The following ECM2 variants were observed in gnomAD, a reference collection of about 807,000 sequenced individuals.
ECM2 encodes the protein extracellular matrix protein 2, also known as extracellular matrix protein 2, female organ and adipocyte specific.
In ECM2, 57 loss-of-function variants were observed where a neutral mutation model predicts 67.5. The observed-to-expected ratio is 0.84, with a 90% CI of 0.68 to 1.05. The LOEUF (loss-of-function observed/expected upper bound fraction) is 1.05. Ranked by LOEUF, ECM2 falls within the 50% of genes least tolerant of loss-of-function variation. ECM2 has a pLI of 0.00. For synonymous variants in ECM2, 258 were observed against 294.5 expected (o/e 0.88, Z 1.27); for missense variants, 741 against 822.8 (o/e 0.90, Z 1.22).
chr9:92,542,853 ACATT>A, the ECM2 span, among the ~76,000 whole-genome samples: 1 of 152,184 alleles, frequency 6.6e-6, no homozygotes, highest in East Asian at 1.9e-4. Context: ...TATAGATCTT[ACATT>A]TAATTCATTA....
chr9:92,510,140 G>T, intron 5 of ECM2, 106 bp from the exon 6 acceptor site: 1 of 1,302,092 alleles, frequency 7.7e-7, no homozygotes, highest in Non-Finnish European at 1.0e-6. Context: ...TCCTTCCTTA[G>T]GCTTAGACAG....
intron 7 of ECM2, among the ~76,000 whole-genome samples, chr9:92,504,450 G>A (rs1320675306): frequency 2.0e-5 from 3 of 152,170 alleles, no homozygotes; most frequent in Admixed American, 6.5e-5. Flanking sequence ...TAGGAGAAAC[G>A]GAGCTTAGTA....
chr9:92,546,177 G>A, the ECM2 span, among the ~76,000 whole-genome samples: 4 of 152,250 alleles, frequency 2.6e-5, no homozygotes, highest in East Asian at 1.9e-4. Flanking sequence ...GATTGTAAAC[G>A]CACCAGTCAG....
chr9:92,501,537 G>A (rs942542680), intron 8 of ECM2, among the ~76,000 whole-genome samples: 1 of 152,140 alleles, frequency 6.6e-6, no homozygotes, highest in Non-Finnish European at 1.5e-5. Flanking sequence ...GGCACACCTG[G>A]GACTTGAGGC....
At chr9:92,509,273 A>G (rs1211733960) in intron 6 of ECM2, among the ~76,000 whole-genome samples, 1 of 152,162 alleles carries the variant, frequency 6.6e-6, no homozygotes, top group Non-Finnish European at 1.5e-5. Flanking sequence ...AAGCCCTCTC[A>G]GGCAGAAAAT....
intron 3 of ECM2, 47 bp from the exon 4 acceptor site, chr9:92,515,250 T>A: frequency 1.4e-6 from 2 of 1,422,116 alleles, no homozygotes; most frequent in Non-Finnish European, 1.8e-6. Flanking sequence ...TTGATGATAT[T>A]AATAAAAGAA....
At chr9:92,532,015 G>GTTTTTTTTTTTGTTT (rs1848801440) in intron 1 of ECM2, among the ~76,000 whole-genome samples, 12 of 95,726 alleles carry the variant, frequency 1.3e-4, no homozygotes, top group African/African-American at 6.5e-4. Context: ...TTTATTTAAT[G>GTTTTTTTTTTTGTTT]TTTTTTTTTT....
chr9:92,546,841 T>C, the ECM2 span, among the ~76,000 whole-genome samples: 1 of 152,212 alleles, frequency 6.6e-6, no homozygotes, highest in African/African-American at 2.4e-5. Flanking sequence ...AAAATCTAAA[T>C]TGTCTATAAC....
the ECM2 span, among the ~76,000 whole-genome samples, chr9:92,554,557 G>A: frequency 5.3e-5 from 8 of 152,084 alleles, no homozygotes; most frequent in African/African-American, 1.9e-4. Flanking sequence ...TGCATCCCTG[G>A]TATGAAACCC....
the ECM2 span, among the ~76,000 whole-genome samples, chr9:92,556,334 A>T: frequency 2.6e-5 from 4 of 152,286 alleles, no homozygotes; most frequent in African/African-American, 9.6e-5. Flanking sequence ...AGAAAGTTCC[A>T]TGTGCTCTTG....
At chr9:92,531,256 A>G (rs956658280) in intron 1 of ECM2, among the ~76,000 whole-genome samples, 1 of 152,030 alleles carries the variant, frequency 6.6e-6, no homozygotes. Flanking sequence ...ATTAGTAATT[A>G]TACACTTTTT....
chr9:92,505,390 C>A, intron 7 of ECM2, 143 bp downstream of exon 7: 1 of 715,728 alleles, frequency 1.4e-6, no homozygotes, highest in African/African-American at 1.9e-5. Flanking sequence ...GAAGAAAAAA[C>A]AATGCTTAAA....
At position 92,514,942 on chromosome 9, in the gene ECM2, C is replaced by T. The variant is rs770622431; in HGVS notation, c.743G>A (p.Gly248Glu). 1.2e-5 allele frequency: 19 copies of T among 1,613,978 alleles called. No individual in the cohort carries two copies. In the African/African-American group the frequency reaches 2.1e-4, roughly 18 times the overall value. The change falls in exon 4 of 10, where the codon GGA (glycine) becomes GAA (glutamate). Residue 248 changes from glycine to glutamate, a missense_variant. Gly to Glu is a moderately conservative substitution (Grantham distance 98). Transcript: ENST00000344604. ...CTCTCCAGGCCTCTGCTTTCTGTCTCCTCCTCTGCTGTCCCCCTCACTGTA... is the reference window on the plus strand; with the variant it reads ...CTCTCCAGGCCTCTGCTTTCTGTCTTCTCCTCTGCTGTCCCCCTCACTGTA... ...QLYSEGDSRGGDRKQRPGEER... is the reference protein window; with the variant it reads ...QLYSEGDSRGEDRKQRPGEER...
intron 5 of ECM2, 48 bp downstream of exon 5, chr9:92,511,963 C>G: frequency 7.1e-7 from 1 of 1,406,898 alleles, no homozygotes; most frequent in Non-Finnish European, 9.9e-7. Flanking sequence ...CAATGCAAGT[C>G]ATAGTGAAGC....
upstream of ECM2, among the ~76,000 whole-genome samples, chr9:92,540,073 G>A (rs1383944283): frequency 6.6e-6 from 1 of 152,106 alleles, no homozygotes; most frequent in Non-Finnish European, 1.5e-5. Flanking sequence ...TTTTTAAAGT[G>A]CACAGTTAAA....
chr9:92,514,863 ATCCTCCTCC>A lies in ECM2; in HGVS notation c.813_821del (p.Glu271_Glu273del). 6.2e-7 allele frequency: 1 copy of A among 1,608,214 alleles called. No individual in the cohort carries two copies. Among genetic ancestry groups the A allele is most frequent in the Non-Finnish European group, 8.5e-7 (1 of 1,176,656 alleles). On this transcript the variant is annotated inframe_deletion, in exon 4 of 10. Transcript: ENST00000344604. Reference sequence around the variant, plus strand: ...CACCCTCCTCACCCTCCTCCTCCTCATCCTCCTCCTCCTCCCTTCCTTGGCGTTGTTGCT... The same window carrying A: ...CACCCTCCTCACCCTCCTCCTCCTCATCCTCCCTTCCTTGGCGTTGTTGCT...
chr9:92,494,194 ATC>A, downstream of ECM2: 1 of 1,578,698 alleles, frequency 6.3e-7, no homozygotes, highest in Non-Finnish European at 8.6e-7. Context: ...ATCGTTTAGT[ATC>A]TGTCTCTGTG....
rs528068944 is a variant in ECM2, at chr9:92,527,749, T to G, written c.-27-4856A>C. 2.6e-4 allele frequency among the ~76,000 whole-genome samples: 40 copies of G among 151,676 alleles called. No individual in the cohort carries two copies. In the South Asian group the frequency reaches 7.1e-3, roughly 27 times the overall value. On this transcript the variant is annotated intron_variant, in intron 1 of 9. Coordinates refer to ENST00000344604, the MANE Select transcript of ECM2 (RefSeq NM_001393.4). Reference sequence around the variant, plus strand: ...AGTCTTGGCAAATATTGTGATTGTTTCTTAGTAGAAACCTACAATGGTAGT... The same window carrying G: ...AGTCTTGGCAAATATTGTGATTGTTGCTTAGTAGAAACCTACAATGGTAGT...
chr9:92,509,849 A>G (rs779818603), intron 6 of ECM2, 50 bp downstream of exon 6: 2 of 1,555,786 alleles, frequency 1.3e-6, no homozygotes, highest in South Asian at 2.4e-5. Context: ...ACAGGACTAT[A>G]TAGGAAAGAT....
Sources: allele counts gnomAD v4.1 joint callset (sites outside exome capture counted in the v4.1 genomes callset), GRCh38; gene constraint gnomAD v4.1.1; transcripts MANE v1.5; gene names NCBI Gene and HGNC (gene_info 2026-07-23, HGNC 2026-07-21).